TTN: variants seen among roughly 807,000 people sequenced by gnomAD.
TTN encodes connectin.
TTN carries 1,525 observed loss-of-function variants against 3,223.0 expected under a neutral mutation model. That is an observed-to-expected ratio of 0.47 (90% CI 0.45 to 0.49). The LOEUF is 0.49. Among genes scored for constraint, TTN ranks in the 20% least tolerant of loss-of-function variants. The pLI is 0.00. For synonymous variants in TTN, 14,094 were observed against 15,161.0 expected, an observed-to-expected ratio of 0.93 and a Z score of 5.17; for missense variants, 40,786 against 43,424.0, an observed-to-expected ratio of 0.94 and a Z score of 5.40.
chr2:178,604,668 T>C, intron 281 of TTN, 40 bp downstream of exon 281: 1 of 1,533,976 alleles, frequency 6.5e-7, no homozygotes, highest in Non-Finnish European at 8.8e-7. Flanking sequence ...CAGAGTCATG[T>C]ACTTTTAATG....
At chr2:178,551,313 A>C in intron 335 of TTN, 53 bp from the exon 336 acceptor site, 1 of 1,468,472 alleles carries the variant, frequency 6.8e-7, no homozygotes, top group Non-Finnish European at 9.2e-7. Flanking sequence ...ACCAGGTCTT[A>C]ATCATCCATG....
At chr2:178,746,524 C>T in intron 47 of TTN, 1 of 1,613,152 alleles carries the variant, frequency 6.2e-7, no homozygotes. Context: ...AATCAAACTC[C>T]ATGACATGCT....
chr2:178,578,532 C>T, intron 321 of TTN, 79 bp downstream of exon 321: 1 of 1,080,084 alleles, frequency 9.3e-7, no homozygotes, highest in Non-Finnish European at 1.4e-6. Flanking sequence ...TATCGATAAG[C>T]ACATGTTCAA....
At position 178,782,847 on chromosome 2, in the gene TTN, T is replaced by G; in HGVS notation, c.3059A>C (p.Glu1020Ala). ...SGRFTCSAVN[E>A]AGTVSTSCYL... ...GCAGGATGTGCTGACGGTTCCAGCC[T>G]CATTTACAGCACTGCAAGTAAATCG... Residue 1020 changes from glutamate (E) to alanine (A), a missense_variant, in exon 18 of 363, where the codon GAG (glutamate) becomes GCG (alanine). Glu to Ala is a moderately radical substitution (Grantham distance 107). Transcript: ENST00000589042. The G allele has an allele frequency of 6.2e-7, 1 of 1,613,808 alleles. No homozygotes were observed. The highest frequency in any genetic ancestry group is 8.5e-7 in the Non-Finnish European group (1 of 1,179,906).
At chr2:178,699,903 AT>A (rs1341802125) in intron 111 of TTN, among the ~76,000 whole-genome samples, 2 of 142,610 alleles carry the variant, frequency 1.4e-5, no homozygotes, top group African/African-American at 5.2e-5. Flanking sequence ...AATTTTTTGT[AT>A]TTTTAGTAGA....
At chr2:178,627,922 C>T (rs895733837) in intron 240 of TTN, among the ~76,000 whole-genome samples, 2 of 152,032 alleles carry the variant, frequency 1.3e-5, no homozygotes, top group African/African-American at 4.8e-5. Flanking sequence ...TTAATTAAAT[C>T]ATGCATGATA....
intron 5 of TTN, 39 bp downstream of exon 5, chr2:178,799,786 A>G: frequency 1.2e-6 from 2 of 1,614,186 alleles, no homozygotes; most frequent in African/African-American, 1.3e-5. Flanking sequence ...GGGACGCAAC[A>G]GCCTGAAAGG....
chr2:178,588,533 C>A lies in TTN; in HGVS notation c.63187+5G>T, dbSNP rs1292388582. The A allele has an allele frequency of 9.3e-6, 14 of 1,513,504 alleles. No homozygotes were observed. Among genetic ancestry groups the A allele is most frequent in the Non-Finnish European group, 1.2e-5 (14 of 1,134,714 alleles). 93.8% of individuals were successfully genotyped at this position (1,513,504 alleles called of 1,614,324 possible). On this transcript the variant is annotated splice_donor_5th_base_variant and intron_variant, in intron 304 of 362. Coordinates refer to ENST00000589042, the MANE Select transcript of TTN (RefSeq NM_001267550.2). ...GTAATATCAGAAAAAACAAGGACAT[C>A]CTACCTATGGGGTCTTTTGCCACCA...
intron 43 of TTN, among the ~76,000 whole-genome samples, chr2:178,762,242 T>C (rs1007182030): frequency 1.3e-5 from 2 of 152,226 alleles, no homozygotes; most frequent in Non-Finnish European, 2.9e-5. Context: ...GAAGGGTCAT[T>C]CTATTTAATG....
chr2:178,651,818 C>T (rs2063032598), intron 205 of TTN, 66 bp downstream of exon 205: 1 of 1,602,262 alleles, frequency 6.2e-7, no homozygotes, highest in Admixed American at 1.7e-5. Flanking sequence ...TCAGAGCACC[C>T]AGAATTATCA....
chr2:178,619,301 G>A (rs1214887113), intron 250 of TTN: 1 of 412,094 alleles, frequency 2.4e-6, no homozygotes, highest in Non-Finnish European at 4.3e-6. Context: ...GCACACAGGG[G>A]TTTGTAAAGT....
At chr2:178,578,212 G>A in intron 321 of TTN, 27 bp from the exon 322 acceptor site, 1 of 1,585,388 alleles carries the variant, frequency 6.3e-7, no homozygotes, top group Non-Finnish European at 8.6e-7. Flanking sequence ...GATGTATCAA[G>A]TATAAATGCA....
At chr2:178,650,697 A>G (rs2062784210) in intron 209 of TTN, 54 bp downstream of exon 209, 1 of 1,461,694 alleles carries the variant, frequency 6.8e-7, no homozygotes, top group Non-Finnish European at 9.3e-7. Context: ...AACAAAGCTT[A>G]AATTAGAAAT....
rs1429742590 is a variant in TTN at position 178,777,683 on chromosome 2, GC to G, written c.4480+20del. 1 of 1,613,786 alleles carries G rather than the reference GC, an allele frequency of 6.2e-7. No individual in the cohort carries two copies. The highest frequency in any genetic ancestry group is 8.5e-7 in the Non-Finnish European group (1 of 1,179,936). On this transcript the variant is annotated intron_variant, in intron 25 of 362. Transcript: ENST00000589042. ...GTTTTTGTGTTTTTATGATTCATGA[GC>G]AAAAACTTATCACGCTTACCATCAT...
chr2:178,527,838 A>G (rs1327784892), intron 361 of TTN, 90 bp from the exon 362 acceptor site: 1 of 1,228,082 alleles, frequency 8.1e-7, no homozygotes, highest in African/African-American at 1.5e-5. Flanking sequence ...GGAAACTTCA[A>G]CACACACACA....
At chr2:178,653,207 T>A (rs548647521) in intron 198 of TTN, 31 bp downstream of exon 198, 4 of 1,610,990 alleles carry the variant, frequency 2.5e-6, no homozygotes, top group South Asian at 2.2e-5. Flanking sequence ...AAGAATTAGA[T>A]CATCTGAAGC....
At position 178,602,569 on chromosome 2, in the gene TTN, C is replaced by A. The variant is rs1213616804; in HGVS notation, c.54833G>T (p.Cys18278Phe). 3 of 1,538,332 alleles carry A rather than the reference C, an allele frequency of 2.0e-6. No individual in the cohort carries two copies. The highest frequency in any genetic ancestry group is 2.6e-6 in the Non-Finnish European group (3 of 1,143,168). The change falls in exon 283 of 363, where the codon TGC becomes TTC. Residue 18278 changes from cysteine to phenylalanine, a missense_variant. Coordinates refer to ENST00000589042, the MANE Select transcript of TTN (RefSeq NM_001267550.2). ...DPIFPPGPPSCPEVKDKTKSS... is the reference protein window; with the variant it reads ...DPIFPPGPPSFPEVKDKTKSS... Reference sequence around the variant, plus strand: ...CTTCGTTTTATCTTTAACTTCTGGGCAAGAAGGTGGCCCCGGTGGAACTAA... The same window carrying A: ...CTTCGTTTTATCTTTAACTTCTGGGAAAGAAGGTGGCCCCGGTGGAACTAA...
At chr2:178,663,568 A>T in intron 171 of TTN, 52 bp from the exon 172 acceptor site, 1 of 1,613,764 alleles carries the variant, frequency 6.2e-7, no homozygotes, top group Non-Finnish European at 8.5e-7. Flanking sequence ...ACCACTAGAA[A>T]AATATTTTCC....
rs1559235133 is a variant in TTN at position 178,554,967 on chromosome 2, T to C, written c.88492A>G (p.Ile29498Val). ...CVENTTDLAS[I>V]LIKDADRLNS... The stretch of plus-strand genomic sequence containing the variant: ...AGGCGATCGGCATCTTTGATGAGTA[T>C]AGATGCGAGGTCCGTGGTATTTTCA... Residue 29498 changes from isoleucine to valine, a missense_variant, in exon 331 of 363, where the codon ATA (isoleucine) becomes GTA (valine). Coordinates refer to ENST00000589042, the MANE Select transcript of TTN (RefSeq NM_001267550.2). 2 of 1,613,722 alleles carry C rather than the reference T, an allele frequency of 1.2e-6. No individual in the cohort carries two copies. The highest frequency in any genetic ancestry group is 2.2e-5 in the East Asian group (1 of 44,774).
Sources: gnomAD v4.1 joint callset for allele counts (sites outside exome capture counted in the v4.1 genomes callset) on GRCh38, gnomAD v4.1.1 for gene constraint, MANE v1.5 for transcripts, NCBI Gene and HGNC (gene_info 2026-07-23, HGNC 2026-07-21) for gene names.